OSMR: variants seen among roughly 807,000 people sequenced by gnomAD.
OSMR encodes the protein oncostatin-M-specific receptor subunit beta.
A neutral mutation model predicts 99.9 loss-of-function variants in OSMR; 81 were observed. That is an observed-to-expected ratio of 0.81 (90% CI 0.68 to 0.97). The LOEUF is 0.97. OSMR is among the 50% of genes least tolerant of loss of function. The pLI is 0.00. For synonymous variants in OSMR, 406 were observed against 410.4 expected (o/e 0.99, Z 0.13); for missense variants, 1,099 against 1,153.4 (o/e 0.95, Z 0.68).
At chr5:38,945,537 C>T (rs1456967261), downstream of OSMR, 2 of 1,614,072 alleles carry the variant, frequency 1.2e-6, no homozygotes, top group East Asian at 2.2e-5. Context: ...GCTGGAAACC[C>T]AGAATTTCAA....
At chr5:38,877,545 A>C (rs995119762) in intron 3 of OSMR, among the ~76,000 whole-genome samples, 1 of 152,152 alleles carries the variant, frequency 6.6e-6, no homozygotes, top group Non-Finnish European at 1.5e-5. Flanking sequence ...TCTTTCCACT[A>C]TCTCACCTTA....
chr5:38,945,341 T>A, downstream of OSMR: 1 of 630,656 alleles, frequency 1.6e-6, no homozygotes, highest in South Asian at 2.0e-5. Flanking sequence ...AGGATCAGCA[T>A]CTCAGCATAA....
chr5:38,925,185 A>C lies in OSMR; in HGVS notation c.2045-19A>C. 3.1e-6 allele frequency: 5 copies of C among 1,613,448 alleles called. No homozygotes were observed. The highest frequency in any genetic ancestry group is 2.5e-6 in the Non-Finnish European group (3 of 1,179,668). On this transcript the variant is annotated intron_variant, in intron 14 of 17. Transcript: ENST00000274276. The stretch of plus-strand genomic sequence containing the variant: ...AATCTTTTTTTTCCTTGAAAAAAAA[A>C]CCATTTAAAAAATCACAGATGGTTC...
chr5:38,847,456 T>G (rs1427784968), intron 1 of OSMR, among the ~76,000 whole-genome samples: 1 of 152,116 alleles, frequency 6.6e-6, no homozygotes, highest in Non-Finnish European at 1.5e-5. Context: ...GATTTGGGTT[T>G]GGAGTCTGCT....
intron 1 of OSMR, among the ~76,000 whole-genome samples, chr5:38,849,204 A>C (rs1238402387): frequency 1.3e-5 from 2 of 152,192 alleles, no homozygotes; most frequent in East Asian, 3.9e-4. Context: ...CTCAAGTGTG[A>C]GTATTTCTGT....
chr5:38,887,712 T>C (rs1743882014), intron 7 of OSMR, among the ~76,000 whole-genome samples: 1 of 152,180 alleles, frequency 6.6e-6, no homozygotes, highest in Non-Finnish European at 1.5e-5. Flanking sequence ...TTTACCAAAT[T>C]CTATGAAAAC....
chr5:38,878,805 C>T (rs573450497), intron 3 of OSMR, among the ~76,000 whole-genome samples: 4 of 152,258 alleles, frequency 2.6e-5, no homozygotes, highest in African/African-American at 7.2e-5. Flanking sequence ...GTTTTATCTC[C>T]TACATTAACA....
Position 38,925,362 on chromosome 5 carries a change from G to A in OSMR, c.2203G>A (p.Asp735Asn). 2.5e-6 allele frequency: 4 copies of A among 1,613,664 alleles called. No homozygotes were observed. The highest frequency in any genetic ancestry group is 1.7e-5 in the Admixed American group (1 of 60,020). ...SATFTKVTTPDEHSSMLIHIL... is the reference protein window; with the variant it reads ...SATFTKVTTPNEHSSMLIHIL... ...TACGTTCACGAAGGTCACGACTCCG[G>A]ATGAACACTGTGAGTTTTCCCAAAT... Residue 735 changes from aspartate (D) to asparagine (N), a missense_variant, in exon 15 of 18, where the codon GAT becomes AAT. Asp to Asn is a conservative substitution (Grantham distance 23, BLOSUM62 1). Coordinates refer to ENST00000274276, the MANE Select transcript of OSMR (RefSeq NM_003999.3).
At chr5:38,927,401 T>C (rs146514034) in intron 15 of OSMR, among the ~76,000 whole-genome samples, 2,167 of 152,360 alleles carry the variant, frequency 0.014, 46 homozygotes, top group African/African-American at 0.049. Context: ...CATTTCCATA[T>C]GTCCTCTGAA....
At chr5:38,939,453 T>C (rs1747299398), downstream of OSMR, 1 of 232,184 alleles carries the variant, frequency 4.3e-6, no homozygotes, top group Non-Finnish European at 8.5e-6. Context: ...GAGAACAGAC[T>C]GTTTCCCCCT....
chr5:38,874,981 A>G (rs1206484159), intron 2 of OSMR, among the ~76,000 whole-genome samples: 2 of 152,200 alleles, frequency 1.3e-5, no homozygotes, highest in African/African-American at 4.8e-5. Flanking sequence ...CAGAATGGCA[A>G]TTTGGGGACA....
rs1423339416 is a variant in OSMR at position 38,876,099 on chromosome 5, T to G, written c.74-102T>G. The G allele has an allele frequency of 3.5e-5, 53 of 1,520,862 alleles. No homozygotes were observed. In the East Asian group the frequency reaches 1.2e-3, roughly 34 times the overall value. 94.2% of individuals were successfully genotyped at this position (1,520,862 alleles called of 1,614,324 possible). A position where few individuals can be genotyped will look rare whatever the true frequency, so the allele number is the denominator to read the frequency against. On this transcript the variant is annotated intron_variant, in intron 2 of 17. Transcript: ENST00000274276. ...TCTAGGATGCACATATGAGCAATAT[T>G]TTCCAGAGCTAAATAATGATGATAT... is the stretch of plus-strand genomic sequence containing the variant.
At chr5:38,907,770 C>T (rs1745336478) in intron 9 of OSMR, among the ~76,000 whole-genome samples, 1 of 152,230 alleles carries the variant, frequency 6.6e-6, no homozygotes, top group African/African-American at 2.4e-5. Context: ...CCAACCACAG[C>T]CTACCCAATG....
At chr5:38,878,286 T>TC (rs1407794298) in intron 3 of OSMR, among the ~76,000 whole-genome samples, 2 of 151,982 alleles carry the variant, frequency 1.3e-5, no homozygotes, top group Non-Finnish European at 2.9e-5. Flanking sequence ...TAGACCAAAA[T>TC]CTCCCTTATA....
intron 7 of OSMR, among the ~76,000 whole-genome samples, chr5:38,892,070 G>A (rs1320288720): frequency 6.6e-6 from 1 of 152,188 alleles, no homozygotes; most frequent in Non-Finnish European, 1.5e-5. Flanking sequence ...CCCAGAGGTA[G>A]TAAGGTGTGG....
In OSMR at chr5:38,903,113, C is replaced by T. The variant is rs549760545; in HGVS notation, c.992-769C>T. On this transcript the variant is annotated intron_variant, in intron 7 of 17. Transcript: ENST00000274276. ...TCAGATTGAATCCTGCTTGCTGTGC[C>T]AATTTTGTGAAGCAGGTGCTCTCTG... is the stretch of plus-strand genomic sequence containing the variant. Among the ~76,000 whole-genome samples, 3 of 152,296 alleles carry T rather than the reference C, an allele frequency of 2.0e-5. No homozygotes were observed. The East Asian group carries it at 5.8e-4, about 29-fold the overall frequency.
chr5:38,912,348 C>T (rs1289546117), intron 9 of OSMR, among the ~76,000 whole-genome samples: 2 of 152,072 alleles, frequency 1.3e-5, no homozygotes, highest in Non-Finnish European at 2.9e-5. Flanking sequence ...ACAAAAATAT[C>T]TAGTAATACA....
chr5:38,920,438 G>A (rs1421476272), intron 11 of OSMR, among the ~76,000 whole-genome samples: 1 of 152,194 alleles, frequency 6.6e-6, no homozygotes, highest in Non-Finnish European at 1.5e-5. Flanking sequence ...TGGGTTTGGA[G>A]TTAAATTTTA....
At chr5:38,937,175 G>C (rs1240056287), downstream of OSMR, among the ~76,000 whole-genome samples, 1 of 152,180 alleles carries the variant, frequency 6.6e-6, no homozygotes, top group Non-Finnish European at 1.5e-5. The surrounding 1 kb of genome is among the most constrained non-coding windows in gnomAD (Gnocchi z 4.0). Flanking sequence ...TGGGACTACA[G>C]GTGCCGGCCA....
Sources: gnomAD v4.1 joint callset for allele counts (sites outside exome capture counted in the v4.1 genomes callset) on GRCh38, gnomAD v4.1.1 for gene constraint, Gnocchi (gnomAD v3.1) non-coding constraint, MANE v1.5 for transcripts, NCBI Gene and HGNC (gene_info 2026-07-23, HGNC 2026-07-21) for gene names.